ENPP6: variants seen among roughly 807,000 people sequenced by gnomAD.
ENPP6 encodes glycerophosphocholine cholinephosphodiesterase ENPP6.
ENPP6 carries 32 observed loss-of-function variants against 42.0 expected under a neutral mutation model. The ratio of observed to expected loss-of-function variants is 0.76; its 90% CI spans 0.58 to 1.02. The LOEUF (loss-of-function observed/expected upper bound fraction) is 1.02. ENPP6 is among the 50% of genes least tolerant of loss of function. The pLI, the probability that ENPP6 is intolerant of heterozygous loss-of-function variation, is 0.00. For synonymous variants in ENPP6, 213 were observed against 216.0 expected, an observed-to-expected ratio of 0.99 and a Z score of 0.12; for missense variants, 552 against 566.8, an observed-to-expected ratio of 0.97 and a Z score of 0.27.
At chr4:184,204,477 A>C (rs528406922) in intron 1 of ENPP6, among the ~76,000 whole-genome samples, 7 of 152,160 alleles carry the variant, frequency 4.6e-5, no homozygotes, top group Non-Finnish European at 1.0e-4. Flanking sequence ...CCGTCCTCAC[A>C]GTGTTCCACG....
rs114209229 is a variant in ENPP6, at chr4:184,187,121, A to G, written c.241+30458T>C. Reference sequence around the variant, plus strand: ...AAATCTCCCATTTGTAAGGTCTGGCATCTGTGAGAGGAGATGCGGAAGGAA... The same window carrying G: ...AAATCTCCCATTTGTAAGGTCTGGCGTCTGTGAGAGGAGATGCGGAAGGAA... On this transcript the variant is annotated intron_variant, in intron 1 of 7. Transcript: ENST00000296741. Among the ~76,000 whole-genome samples the G allele has an allele frequency of 3.2e-3, 489 of 152,322 alleles. 2 individuals are homozygous for G. Among genetic ancestry groups the G allele is most frequent in the African/African-American group, 0.011 (474 of 41,576 alleles).
At chr4:184,174,264 A>G (rs1231514237) in intron 1 of ENPP6, among the ~76,000 whole-genome samples, 2 of 151,728 alleles carry the variant, frequency 1.3e-5, no homozygotes, top group African/African-American at 4.8e-5. Context: ...CAGCCTCCCA[A>G]GTAGCTGGGA....
intron 1 of ENPP6, among the ~76,000 whole-genome samples, chr4:184,162,033 T>A (rs61410460): frequency 0.022 from 3,264 of 151,644 alleles, 126 homozygotes; most frequent in African/African-American, 0.074. Flanking sequence ...ATTGAAATAA[T>A]AAGAAAAAAG....
rs372181474 is a variant in ENPP6, at chr4:184,153,767, G to A, written c.242-34C>T. 3 of 1,588,714 alleles carry A rather than the reference G, an allele frequency of 1.9e-6. No homozygotes were observed. The African/African-American group carries it at 4.1e-5, about 22-fold the overall frequency. ...ATGAGAACACAGCTGTCAGTTTACGGTTCTGGTGGTTTCTATTTTTATCTT... is the reference window on the plus strand; with the variant it reads ...ATGAGAACACAGCTGTCAGTTTACGATTCTGGTGGTTTCTATTTTTATCTT... On this transcript the variant is annotated intron_variant, in intron 1 of 7. Coordinates refer to ENST00000296741, the MANE Select transcript of ENPP6 (RefSeq NM_153343.4).
chr4:184,109,219 A>T (rs1736157641), intron 6 of ENPP6, among the ~76,000 whole-genome samples: 1 of 123,862 alleles, frequency 8.1e-6, no homozygotes, highest in Admixed American at 7.3e-5. Flanking sequence ...TCAAAAACAA[A>T]ACAACAACAA....
chr4:184,136,923 G>C (rs1394861405), intron 2 of ENPP6, among the ~76,000 whole-genome samples: 1 of 152,118 alleles, frequency 6.6e-6, no homozygotes, highest in Non-Finnish European at 1.5e-5. Context: ...CTCTCCTGCT[G>C]TGACCCCTTC....
At chr4:184,208,936 C>A (rs1361768740) in intron 1 of ENPP6, among the ~76,000 whole-genome samples, 2 of 143,974 alleles carry the variant, frequency 1.4e-5, no homozygotes, top group Non-Finnish European at 3.1e-5. Context: ...CCCCTGACCC[C>A]CGAGCAGCCT....
chr4:184,121,305 G>A (rs977503166), intron 3 of ENPP6, among the ~76,000 whole-genome samples: 1 of 152,164 alleles, frequency 6.6e-6, no homozygotes, highest in African/African-American at 2.4e-5. Flanking sequence ...CTTGGGCGAG[G>A]GATTCTCTTT....
chr4:184,101,543 A>G (rs937280299), intron 6 of ENPP6, among the ~76,000 whole-genome samples: 1 of 152,092 alleles, frequency 6.6e-6, no homozygotes, highest in Non-Finnish European at 1.5e-5. Flanking sequence ...AGACAGCTGG[A>G]AGAGCCAGGA....
chr4:184,108,836 ATTGT>A (rs1200231939), intron 6 of ENPP6, among the ~76,000 whole-genome samples: 1 of 152,224 alleles, frequency 6.6e-6, no homozygotes, highest in Non-Finnish European at 1.5e-5. Flanking sequence ...AATGGAACTG[ATTGT>A]TCTCTTTGAA....
chr4:184,119,352 T>C (rs1579618701), intron 3 of ENPP6, among the ~76,000 whole-genome samples: 1 of 140,006 alleles, frequency 7.1e-6, no homozygotes, highest in East Asian at 2.1e-4. Context: ...TGTGTGTGTG[T>C]GTGTGTGTGT....
intron 2 of ENPP6, among the ~76,000 whole-genome samples, chr4:184,147,305 C>A (rs1313749358): frequency 6.6e-6 from 1 of 152,176 alleles, no homozygotes; most frequent in African/African-American, 2.4e-5. Flanking sequence ...CTGAGCGATG[C>A]TCACCTGCTC....
intron 1 of ENPP6, among the ~76,000 whole-genome samples, chr4:184,198,949 A>G (rs1484177530): frequency 3.3e-5 from 5 of 152,164 alleles, no homozygotes; most frequent in African/African-American, 1.2e-4. Context: ...CAAGTACCCT[A>G]TGCTGGGGCC....
intron 1 of ENPP6, among the ~76,000 whole-genome samples, chr4:184,161,589 T>C (rs547434387): frequency 6.6e-6 from 1 of 152,324 alleles, no homozygotes; most frequent in African/African-American, 2.4e-5. Context: ...TACATGTTTA[T>C]AGCAGCACAA....
At chr4:184,103,728 G>A (rs1362874241) in intron 6 of ENPP6, among the ~76,000 whole-genome samples, 1 of 152,234 alleles carries the variant, frequency 6.6e-6, no homozygotes, top group Admixed American at 6.5e-5. Context: ...TGGAGCCCGT[G>A]GGAGTGGTGG....
rs570265671 is a variant in ENPP6 at position 184,094,830 on chromosome 4, A to G, written c.1117+2415T>C. 4.6e-5 allele frequency among the ~76,000 whole-genome samples: 7 copies of G among 152,328 alleles called. No individual in the cohort carries two copies. The South Asian group carries it at 1.5e-3, about 32-fold the overall frequency. The stretch of plus-strand genomic sequence containing the variant: ...CTCCAGGGCAAGATTAGACTGTTCA[A>G]ATTAGAAACTGGGATTAACAAGAGT... On this transcript the variant is annotated intron_variant, in intron 7 of 7. Transcript: ENST00000296741.
chr4:184,121,065 A>G (rs1736407916), intron 3 of ENPP6, among the ~76,000 whole-genome samples: 1 of 152,176 alleles, frequency 6.6e-6, no homozygotes, highest in South Asian at 2.1e-4. Flanking sequence ...CCTCTTTTGT[A>G]AGGTGGGGAG....
chr4:184,152,855 A>G (rs1414343209), intron 2 of ENPP6, among the ~76,000 whole-genome samples: 1 of 152,214 alleles, frequency 6.6e-6, no homozygotes, highest in East Asian at 1.9e-4. Context: ...GGACTACCAA[A>G]AAATAGCGAG....
chr4:184,214,503 C>A (rs1451447389), intron 1 of ENPP6, among the ~76,000 whole-genome samples: 1 of 152,184 alleles, frequency 6.6e-6, no homozygotes, highest in African/African-American at 2.4e-5. Flanking sequence ...TGCATACTTT[C>A]TACACGAAGG....
Sources: allele counts gnomAD v4.1 joint callset (sites outside exome capture counted in the v4.1 genomes callset), GRCh38; gene constraint gnomAD v4.1.1; transcripts MANE v1.5; gene names NCBI Gene and HGNC (gene_info 2026-07-23, HGNC 2026-07-21).